The following CSMD1 variants were observed in gnomAD, a reference collection of about 807,000 sequenced individuals.
CSMD1 encodes the protein CUB and sushi domain-containing protein 1.
Under a neutral mutation model 417.5 loss-of-function variants are expected in CSMD1, and 213 were observed. The observed-to-expected ratio is 0.51, with a 90% CI of 0.46 to 0.57. The LOEUF (loss-of-function observed/expected upper bound fraction) is 0.57, where lower values mean the gene tolerates loss of function less well. Ranked by LOEUF, CSMD1 falls within the 20% of genes least tolerant of loss-of-function variation. The pLI is 0.00. For missense variants in CSMD1, 6,923 were observed against 4,529.7 expected, an observed-to-expected ratio of 1.53 and a Z score of -15.17; for synonymous variants, 2,862 against 1,736.8, an observed-to-expected ratio of 1.65 and a Z score of -16.11.
At chr8:4,453,164 C>G (rs117439482) in intron 2 of CSMD1, among the ~76,000 whole-genome samples, 3 of 151,656 alleles carry the variant, frequency 2.0e-5, no homozygotes, top group Non-Finnish European at 4.4e-5. Context: ...GGCACAAGCC[C>G]GTTCCCCCCT....
At chr8:4,980,380 A>C (rs551949911) in intron 1 of CSMD1, among the ~76,000 whole-genome samples, 2 of 152,162 alleles carry the variant, frequency 1.3e-5, no homozygotes, top group Non-Finnish European at 2.9e-5. Context: ...GGAGCAATAG[A>C]GGCGGAGTGA....
intron 3 of CSMD1, among the ~76,000 whole-genome samples, chr8:4,382,435 T>C (rs772649645): frequency 6.6e-6 from 1 of 152,220 alleles, no homozygotes; most frequent in Non-Finnish European, 1.5e-5. Flanking sequence ...TATTGTAGTA[T>C]AGTCTGGCCT....
intron 5 of CSMD1, among the ~76,000 whole-genome samples, chr8:3,868,579 A>G (rs1008575977): frequency 6.6e-6 from 1 of 152,168 alleles, no homozygotes; most frequent in Admixed American, 6.5e-5. Flanking sequence ...TTGAGGGTCC[A>G]GCAGCCCACT....
At chr8:3,630,366 A>C (rs569741967) in intron 7 of CSMD1, among the ~76,000 whole-genome samples, 1 of 152,232 alleles carries the variant, frequency 6.6e-6, no homozygotes, top group South Asian at 2.1e-4. Flanking sequence ...AGCAGAAGCC[A>C]AGCCCTCAGG....
At chr8:3,883,011 T>C (rs1012256182) in intron 5 of CSMD1, among the ~76,000 whole-genome samples, 12 of 152,200 alleles carry the variant, frequency 7.9e-5, no homozygotes, top group African/African-American at 2.9e-4. Context: ...TCTGCATGCA[T>C]ATTTTATCCT....
intron 3 of CSMD1, among the ~76,000 whole-genome samples, chr8:4,187,423 G>A (rs190941490): frequency 6.6e-6 from 1 of 152,198 alleles, no homozygotes; most frequent in Admixed American, 6.5e-5. Flanking sequence ...AAGGCAGGCA[G>A]ATCACCTGAG....
intron 16 of CSMD1, 60 bp downstream of exon 16, chr8:3,399,331 C>G (rs1811892711): frequency 6.9e-7 from 1 of 1,458,564 alleles, no homozygotes. Flanking sequence ...GATCCATTTA[C>G]TAAAACTATG....
At chr8:3,958,868 T>C (rs558583097) in intron 5 of CSMD1, among the ~76,000 whole-genome samples, 5 of 152,278 alleles carry the variant, frequency 3.3e-5, no homozygotes, top group Admixed American at 1.3e-4. Context: ...TAGATGATAA[T>C]GGAAAAAGAG....
chr8:4,781,362 C>T (rs1328728331), intron 1 of CSMD1, among the ~76,000 whole-genome samples: 1 of 152,222 alleles, frequency 6.6e-6, no homozygotes, highest in Non-Finnish European at 1.5e-5. Flanking sequence ...AGATCCCTTT[C>T]TAGATCACTC....
intron 3 of CSMD1, among the ~76,000 whole-genome samples, chr8:4,053,527 T>C (rs1295518095): frequency 6.6e-6 from 1 of 152,114 alleles, no homozygotes; most frequent in South Asian, 2.1e-4. Flanking sequence ...TGAAACACTT[T>C]TGTTATCTCA....
Position 4,443,443 on chromosome 8 carries a change from G to T in CSMD1, c.303-23378C>A, listed in dbSNP as rs77590831. Among the ~76,000 whole-genome samples the T allele has an allele frequency of 1.8e-4, 27 of 152,250 alleles. No homozygotes were observed. In the East Asian group the frequency reaches 4.4e-3, roughly 25 times the overall value. ...TCTTTATTCATTATTCAACAACACT[G>T]AATTGTATGATGCAATCAAGATTTA... On this transcript the variant is annotated intron_variant, in intron 2 of 69. Transcript: ENST00000635120.
chr8:3,349,897 T>C (rs1291717444), intron 21 of CSMD1, among the ~76,000 whole-genome samples: 7 of 89,960 alleles, frequency 7.8e-5, no homozygotes, highest in Non-Finnish European at 1.6e-4. Flanking sequence ...ATATTTATAA[T>C]ATATATTTAT....
chr8:3,776,862 A>G (rs1361003856), intron 5 of CSMD1, among the ~76,000 whole-genome samples: 1 of 150,410 alleles, frequency 6.6e-6, no homozygotes, highest in African/African-American at 2.5e-5. Flanking sequence ...AGATACAGAC[A>G]AAGATAGCTG....
intron 37 of CSMD1, among the ~76,000 whole-genome samples, chr8:3,177,452 C>T (rs1490480651): frequency 6.6e-6 from 1 of 152,166 alleles, no homozygotes; most frequent in African/African-American, 2.4e-5. Flanking sequence ...CAAAACCTGT[C>T]ATTTCAGGAT....
chr8:3,234,125 G>C (rs1436949283), intron 26 of CSMD1, among the ~76,000 whole-genome samples: 3 of 152,180 alleles, frequency 2.0e-5, no homozygotes, highest in Admixed American at 6.5e-5. Context: ...GGGACTCTGA[G>C]AGTGGAAGCT....
chr8:3,676,670 C>A (rs1044739233), intron 7 of CSMD1, among the ~76,000 whole-genome samples: 3 of 152,120 alleles, frequency 2.0e-5, no homozygotes, highest in African/African-American at 7.2e-5. Context: ...GTATATGAAT[C>A]AAGTTCCATA....
chr8:4,246,077 A>C (rs780259706), intron 3 of CSMD1, among the ~76,000 whole-genome samples: 1 of 152,102 alleles, frequency 6.6e-6, no homozygotes, highest in Non-Finnish European at 1.5e-5. Flanking sequence ...TTTGTTACTT[A>C]AGTAAACTTA....
intron 1 of CSMD1, among the ~76,000 whole-genome samples, chr8:4,871,374 C>G (rs969509957): frequency 1.3e-5 from 2 of 152,070 alleles, no homozygotes; most frequent in African/African-American, 4.8e-5. Context: ...ATTTCCAAAG[C>G]CCAACAGGTA....
chr8:4,187,140 T>C lies in CSMD1; in HGVS notation c.416-155041A>G, dbSNP rs752164978. On this transcript the variant is annotated intron_variant, in intron 3 of 69. Coordinates refer to ENST00000635120, the MANE Select transcript of CSMD1 (RefSeq NM_033225.6). ...ACCAAGTCTCCACTCTGTTAAAACA[T>C]ATTGATTTACTGCTTGTAGTATTAA... Among the ~76,000 whole-genome samples, 6 of 5,142 alleles carry C rather than the reference T, an allele frequency of 1.2e-3. No homozygotes were observed. In the Non-Finnish European group the frequency reaches 0.013, roughly 11 times the overall value. The allele number at this position is 5,142 out of a possible 152,430, so 3.4% of individuals were successfully genotyped here.
Sources: allele counts gnomAD v4.1 joint callset (sites outside exome capture counted in the v4.1 genomes callset), GRCh38; gene constraint gnomAD v4.1.1; transcripts MANE v1.5; gene names NCBI Gene and HGNC (gene_info 2026-07-23, HGNC 2026-07-21).